The following MYRF variants were observed in gnomAD, a reference collection of about 807,000 sequenced individuals.
MYRF encodes the protein myelin regulatory factor.
A neutral mutation model predicts 126.3 loss-of-function variants in MYRF; 16 were observed. The observed-to-expected ratio is 0.13, with a 90% CI of 0.09 to 0.19. MYRF has a LOEUF of 0.19. Ranked by LOEUF, MYRF falls within the 10% of genes least tolerant of loss-of-function variation. The pLI, the probability that MYRF is intolerant of heterozygous loss-of-function variation, is 1.00. For synonymous variants in MYRF, 608 were observed against 635.3 expected, an observed-to-expected ratio of 0.96 and a Z score of 0.65; for missense variants, 1,104 against 1,547.0, an observed-to-expected ratio of 0.71 and a Z score of 4.80.
At chr11:61,780,652 G>T in intron 18 of MYRF, 60 bp from the exon 19 acceptor site, 1 of 1,498,644 alleles carries the variant, frequency 6.7e-7, no homozygotes, top group Non-Finnish European at 9.1e-7. Flanking sequence ...ACCTCTGACT[G>T]TGTCTTCTCT....
chr11:61,779,870 G>A lies in MYRF; in HGVS notation c.2276G>A (p.Cys759Tyr). ...KSSSVVPDQA[C>Y]ISQRFLQGTI... ...TCGTCCGTGGTTCCGGACCAGGCCT[G>A]CATCAGCCAGCGCTTCCTGCAGGGA... The change falls in exon 17 of 27, where the codon TGC (cysteine) becomes TAC (tyrosine). Residue 759 changes from cysteine to tyrosine, a missense_variant. Transcript: ENST00000278836. 6.2e-7 allele frequency: 1 copy of A among 1,614,148 alleles called. No individual in the cohort carries two copies. The highest frequency in any genetic ancestry group is 8.5e-7 in the Non-Finnish European group (1 of 1,179,996).
At position 61,766,736 on chromosome 11, in the gene MYRF, C is replaced by T. The variant is rs953738388; in HGVS notation, c.398+515C>T. On this transcript the variant is annotated intron_variant, in intron 3 of 26. Coordinates refer to ENST00000278836, the MANE Select transcript of MYRF (RefSeq NM_001127392.3). ...TTTCTGAGGAGTCCACACCAAGGGC[C>T]TGACCCAGGGCTGAACCTTAGGCCT... 1.6e-5 allele frequency: 5 copies of T among 307,468 alleles called. No homozygotes were observed. The Admixed American group carries it at 2.2e-4, about 14-fold the overall frequency. The allele number at this position is 307,468 out of a possible 1,614,324, so 19.0% of individuals were successfully genotyped here.
At chr11:61,766,314 C>A in intron 3 of MYRF, 93 bp downstream of exon 3, 2 of 1,373,948 alleles carry the variant, frequency 1.5e-6, no homozygotes, top group Non-Finnish European at 9.7e-7. Flanking sequence ...TAGACACTGG[C>A]CTGGCATGGG....
chr11:61,784,459 T>C, intron 25 of MYRF, 74 bp downstream of exon 25: 2 of 1,213,244 alleles, frequency 1.6e-6, no homozygotes, highest in Non-Finnish European at 2.4e-6. Flanking sequence ...GGCCCCAAAA[T>C]GGGCAAGGAG....
chr11:61,770,628 G>A, intron 5 of MYRF, 103 bp downstream of exon 5: 4 of 1,186,018 alleles, frequency 3.4e-6, no homozygotes, highest in Admixed American at 2.7e-5. Context: ...GGACCGGGAT[G>A]CACCCAGGGA....
At position 61,780,481 on chromosome 11, in the gene MYRF, CTGA is replaced by C. The variant is rs377709400; in HGVS notation, c.2405+194_2405+196del. 3.9e-5 allele frequency among the ~76,000 whole-genome samples: 6 copies of C among 152,278 alleles called. No individual in the cohort carries two copies. The East Asian group carries it at 5.8e-4, about 15-fold the overall frequency. ...CAGCCTTTCCCAGTCCCTGCTGACG[CTGA>C]TGTTTCTGTCTGGCCTGTTTAGTGC... On this transcript the variant is annotated intron_variant, in intron 18 of 26. Transcript: ENST00000278836.
chr11:61,777,573 GA>G lies in MYRF; in HGVS notation c.1791+111del. The G allele has an allele frequency of 7.1e-7, 1 of 1,407,362 alleles. No homozygotes were observed. The highest frequency in any genetic ancestry group is 9.7e-7 in the Non-Finnish European group (1 of 1,032,748). 87.2% of individuals were successfully genotyped at this position (1,407,362 alleles called of 1,614,324 possible). On this transcript the variant is annotated intron_variant, in intron 12 of 26. Coordinates refer to ENST00000278836, the MANE Select transcript of MYRF (RefSeq NM_001127392.3). This position sits in a 1 kb window ranked among gnomAD's most constrained non-coding sequence, Gnocchi z 8.8. ...TACGCGGAAAGGCGGAGCTGCGGGG[GA>G]AGGAAGGGAGGGAGGCTGGCCTCGA... is the stretch of plus-strand genomic sequence containing the variant.
chr11:61,762,691 C>T (rs919908383), intron 1 of MYRF, among the ~76,000 whole-genome samples: 11 of 152,146 alleles, frequency 7.2e-5, no homozygotes, highest in East Asian at 1.9e-4. Context: ...GGTTCACGGG[C>T]GGGCTGGGGG....
Position 61,780,758 on chromosome 11 carries a change from C to T in MYRF, c.2452C>T (p.Gln818Ter). 1 of 1,548,242 alleles carries T rather than the reference C, an allele frequency of 6.5e-7. No homozygotes were observed. The highest frequency in any genetic ancestry group is 8.7e-7 in the Non-Finnish European group (1 of 1,147,160). Residue 818 changes from glutamine to a stop codon, truncating the protein, a stop_gained, in exon 19 of 27, where the codon CAG becomes TAG. Transcript: ENST00000278836. LOFTEE classifies it high-confidence loss of function. Reference sequence around the variant, plus strand: ...CTGTCTCCTGGCCCTGCTCCGGCCCCAGCCCCCTGGGGGGAGTGAGGCCTT... The same window carrying T: ...CTGTCTCCTGGCCCTGCTCCGGCCCTAGCCCCCTGGGGGGAGTGAGGCCTT... ...TSCLLALLRP[Q>*]PPGGSEALCP...
In MYRF at chr11:61,757,618, C is replaced by A. The variant is rs754871461; in HGVS notation, c.46+4828C>A. ...TGGCCCAGCGTGGCCTGGTCCTGGT[C>A]CCTGGCACATCCAGTGGGGCCCGCC... On this transcript the variant is annotated intron_variant, in intron 1 of 26. Coordinates refer to ENST00000278836, the MANE Select transcript of MYRF (RefSeq NM_001127392.3). This position sits in a 1 kb window ranked among gnomAD's most constrained non-coding sequence, Gnocchi z 4.7. 2.2e-6 allele frequency: 1 copy of A among 451,124 alleles called. No individual in the cohort carries two copies. The highest frequency in any genetic ancestry group is 4.5e-6 in the Non-Finnish European group (1 of 223,868). The allele number at this position is 451,124 out of a possible 1,614,324, so 27.9% of individuals were successfully genotyped here. A position where few individuals can be genotyped will look rare whatever the true frequency, so the allele number is the denominator to read the frequency against.
chr11:61,768,909 A>C, intron 3 of MYRF: 1 of 222,588 alleles, frequency 4.5e-6, no homozygotes. Flanking sequence ...GTTTCCAGGA[A>C]GCTGTGGGGC....
At position 61,779,120 on chromosome 11, in the gene MYRF, A is replaced by G. The variant is rs174530; in HGVS notation, c.2014-143A>G. The G allele has an allele frequency of 0.35, 309,183 of 874,410 alleles. 60,606 individuals carry two copies. The highest frequency in any genetic ancestry group is 0.58 in the Admixed American group (22,772 of 39,016). The allele number at this position is 874,410 out of a possible 1,614,324, so 54.2% of individuals were successfully genotyped here. On this transcript the variant is annotated intron_variant, in intron 14 of 26. Transcript: ENST00000278836. ...GAGGCTGGATTGGAGGGGCCCGCCC[A>G]GGTAGGGAGACTTTGAGGGCCTCCC...
At position 61,765,422 on chromosome 11, in the gene MYRF, C is replaced by CG. The variant is rs769605423; in HGVS notation, c.47-196dup. On this transcript the variant is annotated intron_variant, in intron 1 of 26. Transcript: ENST00000278836. ...GACTCAAGGTGGCCTTGTGGTGGGG[C>CG]GGGGGGGCATTATCAGTGCTTCCTG... Among the ~76,000 whole-genome samples, 370 of 151,970 alleles carry CG rather than the reference C, an allele frequency of 2.4e-3. 3 individuals are homozygous for CG. Among genetic ancestry groups the CG allele is most frequent in the Non-Finnish European group, 2.1e-3 (142 of 67,936 alleles).
chr11:61,774,759 G>A (rs1268540584), intron 8 of MYRF, among the ~76,000 whole-genome samples: 1 of 150,388 alleles, frequency 6.6e-6, no homozygotes, highest in East Asian at 2.0e-4. Flanking sequence ...TCCTCAGCCT[G>A]CTTCCCTCTC....
At chr11:61,763,052 T>A (rs2065944109) in intron 1 of MYRF, among the ~76,000 whole-genome samples, 1 of 152,096 alleles carries the variant, frequency 6.6e-6, no homozygotes, top group Admixed American at 6.5e-5. Flanking sequence ...CTGGGTCTGT[T>A]ATAAATAGCA....
rs966664871 is a variant in MYRF, at chr11:61,755,327, C to T, written c.46+2537C>T. ...GCGGCCCCCTCGAGGCTGGTACAGC[C>T]GGGCCCCCGTGACCGCCCGGCTAAT... On this transcript the variant is annotated intron_variant, in intron 1 of 26. Coordinates refer to ENST00000278836, the MANE Select transcript of MYRF (RefSeq NM_001127392.3). The T allele has an allele frequency of 2.3e-5, 36 of 1,556,322 alleles. No homozygotes were observed. The South Asian group carries it at 2.4e-4, about 10-fold the overall frequency.
At position 61,766,037 on chromosome 11, in the gene MYRF, G is replaced by T. The variant is rs372097423; in HGVS notation, c.214G>T (p.Val72Phe). The T allele has an allele frequency of 5.4e-5, 86 of 1,597,490 alleles. No individual in the cohort carries two copies. The highest frequency in any genetic ancestry group is 6.6e-5 in the Non-Finnish European group (77 of 1,174,570). Residue 72 changes from valine to phenylalanine, a missense_variant, in exon 3 of 27, where the codon GTC becomes TTC. Around this residue, in one of 10 missense-constraint regions of MYRF, gnomAD observed 368 missense variants for 403.9 expected, o/e 0.91. Transcript: ENST00000278836. ...GCCTGCGATGCCTGGCTCCAGCGGGGTCCACCACCTGAGCCCCCCTGGGGG... is the reference window on the plus strand; with the variant it reads ...GCCTGCGATGCCTGGCTCCAGCGGGTTCCACCACCTGAGCCCCCCTGGGGG... ...GQPAMPGSSG[V>F]HHLSPPGGGP...
intron 4 of MYRF, 27 bp from the exon 5 acceptor site, chr11:61,770,219 A>T: frequency 3.2e-6 from 5 of 1,563,272 alleles, no homozygotes; most frequent in Non-Finnish European, 4.3e-6. Context: ...TTGGTCTCAG[A>T]TGCCCGCTCC....
In MYRF at chr11:61,780,284, C is replaced by T. The variant is rs1268444526; in HGVS notation, c.2399C>T (p.Thr800Ile). 6.2e-6 allele frequency: 10 copies of T among 1,612,304 alleles called. No individual in the cohort carries two copies. Among genetic ancestry groups the T allele is most frequent in the Non-Finnish European group, 7.6e-6 (9 of 1,179,064 alleles). The change falls in exon 18 of 27, where the codon ACT becomes ATT. Residue 800 changes from threonine (T) to isoleucine (I), a missense_variant. Physicochemically the swap from Thr to Ile is moderately conservative, Grantham distance 89. Coordinates refer to ENST00000278836, the MANE Select transcript of MYRF (RefSeq NM_001127392.3). Reference protein sequence around the residue: ...SLRTEEDLVDTDGSFAVSTSC... With the variant: ...SLRTEEDLVDIDGSFAVSTSC... ...CGCACAGAGGAGGACCTGGTAGACA[C>T]TGATGGGTAGGTTCCTGGAGGCCAA...
Sources: gnomAD v4.1 joint callset for allele counts (sites outside exome capture counted in the v4.1 genomes callset) on GRCh38, gnomAD v4.1.1 for gene constraint, gnomAD v4.1.1 regional missense constraint, Gnocchi (gnomAD v3.1) non-coding constraint, MANE v1.5 for transcripts, NCBI Gene and HGNC (gene_info 2026-07-23, HGNC 2026-07-21) for gene names.